Variants in CHST11 observed in about 807,000 individuals in gnomAD.
The protein encoded by CHST11 is carbohydrate sulfotransferase 11.
A neutral mutation model predicts 30.4 loss-of-function variants in CHST11; 9 were observed. That is an observed-to-expected ratio of 0.30 (90% CI 0.18 to 0.52). The LOEUF (loss-of-function observed/expected upper bound fraction) is 0.52. CHST11 is among the 20% of genes least tolerant of loss of function. CHST11 has a pLI of 0.97. For synonymous variants in CHST11, 152 were observed against 187.8 expected (o/e 0.81, Z 1.56); for missense variants, 348 against 460.6 (o/e 0.76, Z 2.24).
rs145908526 is a variant in CHST11, at chr12:104,645,354, A to C, written c.204+43363A>C. Among the ~76,000 whole-genome samples, 271 of 152,286 alleles carry C rather than the reference A, an allele frequency of 1.8e-3. 4 individuals are homozygous for C. The highest frequency in any genetic ancestry group is 6.8e-3 in the Middle Eastern group (2 of 294). On this transcript the variant is annotated intron_variant, in intron 2 of 2. Coordinates refer to ENST00000303694, the MANE Select transcript of CHST11 (RefSeq NM_018413.6). ...GGTGGAATCTGTGATTCTCATCCCC[A>C]CCATACAGGTGAGGAAACTGAGGCT... is the stretch of plus-strand genomic sequence containing the variant.
At chr12:104,647,365 A>T (rs2039444056) in intron 2 of CHST11, among the ~76,000 whole-genome samples, 1 of 152,236 alleles carries the variant, frequency 6.6e-6, no homozygotes, top group African/African-American at 2.4e-5. Flanking sequence ...CATTTAAAAA[A>T]TGCCAGGAAA....
At chr12:104,663,807 T>G (rs551635933) in intron 2 of CHST11, among the ~76,000 whole-genome samples, 1 of 152,360 alleles carries the variant, frequency 6.6e-6, no homozygotes, top group Admixed American at 6.5e-5. Context: ...TAAGGTACTT[T>G]ATTAACAAGT....
chr12:104,493,740 A>G (rs2037772926), intron 1 of CHST11, among the ~76,000 whole-genome samples: 1 of 152,208 alleles, frequency 6.6e-6, no homozygotes, highest in African/African-American at 2.4e-5. Context: ...AGACACATTT[A>G]CAGTTTGTGG....
intron 1 of CHST11, among the ~76,000 whole-genome samples, chr12:104,532,565 T>A (rs971595855): frequency 6.6e-6 from 1 of 152,112 alleles, no homozygotes; most frequent in Admixed American, 6.6e-5. Flanking sequence ...ACCACCTGTG[T>A]GTTCACCAGC....
intron 1 of CHST11, among the ~76,000 whole-genome samples, chr12:104,463,362 G>A (rs2178669): frequency 0.22 from 32,813 of 151,932 alleles, 3,937 homozygotes; most frequent in East Asian, 0.54. Context: ...TTCTTCCTAT[G>A]AACAATCTGA....
intron 2 of CHST11, among the ~76,000 whole-genome samples, chr12:104,723,439 C>A (rs956931152): frequency 6.6e-6 from 1 of 152,260 alleles, no homozygotes; most frequent in South Asian, 2.1e-4. Flanking sequence ...CTTGTTCAAT[C>A]TGTGGCCTGC....
intron 2 of CHST11, among the ~76,000 whole-genome samples, chr12:104,622,319 C>A (rs1367884948): frequency 6.6e-6 from 1 of 152,158 alleles, no homozygotes; most frequent in Non-Finnish European, 1.5e-5. Context: ...GAGGTACTAC[C>A]ACTGTTTAGT....
intron 1 of CHST11, among the ~76,000 whole-genome samples, chr12:104,542,317 G>A (rs1315392117): frequency 1.3e-5 from 2 of 152,158 alleles, no homozygotes; most frequent in Non-Finnish European, 2.9e-5. Flanking sequence ...TGTTCATAGC[G>A]GCATTATTCA....
intron 2 of CHST11, among the ~76,000 whole-genome samples, chr12:104,680,210 A>C (rs1186468398): frequency 6.6e-6 from 1 of 152,252 alleles, no homozygotes; most frequent in Non-Finnish European, 1.5e-5. Context: ...ATAAGAAGAT[A>C]CAAGGTAGTA....
intron 1 of CHST11, among the ~76,000 whole-genome samples, chr12:104,492,892 G>T (rs562286753): frequency 6.6e-6 from 1 of 152,234 alleles, no homozygotes; most frequent in East Asian, 1.9e-4. Context: ...AATTAGCCGG[G>T]TATGGTGGTG....
intron 2 of CHST11, among the ~76,000 whole-genome samples, chr12:104,718,116 C>A (rs1023527985): frequency 9.2e-5 from 14 of 152,192 alleles, no homozygotes; most frequent in East Asian, 5.8e-4. Context: ...ACTTACTATG[C>A]GAAAGGTACT....
rs367714291 is a variant in CHST11 at position 104,481,608 on chromosome 12, G to A, written c.118+24079G>A. Among the ~76,000 whole-genome samples the A allele has an allele frequency of 2.4e-4, 36 of 152,216 alleles. No homozygotes were observed. In the East Asian group the frequency reaches 6.0e-3, roughly 25 times the overall value. On this transcript the variant is annotated intron_variant, in intron 1 of 2. Transcript: ENST00000303694. ...CTCTCACGCGTCGATGGGGGGCAAC[G>A]ATATCAGATATGGCAAAGATTGGCT...
At chr12:104,653,663 T>C (rs1018737746) in intron 2 of CHST11, among the ~76,000 whole-genome samples, 1 of 152,224 alleles carries the variant, frequency 6.6e-6, no homozygotes, top group Non-Finnish European at 1.5e-5. Flanking sequence ...AGTGGTCTGA[T>C]GTCTGTATTT....
intron 2 of CHST11, among the ~76,000 whole-genome samples, chr12:104,638,560 T>C (rs2039347209): frequency 6.6e-6 from 1 of 152,026 alleles, no homozygotes; most frequent in Non-Finnish European, 1.5e-5. Flanking sequence ...GTGGGGGTGA[T>C]TTGGGTAGTG....
intron 1 of CHST11, among the ~76,000 whole-genome samples, chr12:104,498,467 G>A (rs907424766): frequency 6.6e-6 from 1 of 152,146 alleles, no homozygotes; most frequent in African/African-American, 2.4e-5. Flanking sequence ...ATTTTAAACT[G>A]TCAGTGGGGC....
intron 1 of CHST11, among the ~76,000 whole-genome samples, chr12:104,560,889 G>A (rs919026121): frequency 3.3e-5 from 5 of 152,294 alleles, no homozygotes; most frequent in South Asian, 4.1e-4. Flanking sequence ...GCTGTGAATC[G>A]AATTCTGCTG....
chr12:104,536,693 C>T (rs948044214), intron 1 of CHST11, among the ~76,000 whole-genome samples: 1 of 152,164 alleles, frequency 6.6e-6, no homozygotes, highest in Non-Finnish European at 1.5e-5. Context: ...CCTCACAGGG[C>T]TTTTAAGAGA....
chr12:104,659,351 A>G (rs1168279802), intron 2 of CHST11, among the ~76,000 whole-genome samples: 1 of 152,170 alleles, frequency 6.6e-6, no homozygotes, highest in Non-Finnish European at 1.5e-5. Context: ...TGCTCAAGAC[A>G]TATGATCGTT....
At chr12:104,518,570 C>T (rs377126579) in intron 1 of CHST11, among the ~76,000 whole-genome samples, 7 of 152,194 alleles carry the variant, frequency 4.6e-5, no homozygotes, top group African/African-American at 1.7e-4. Context: ...GTTAATACAC[C>T]CCGGACTTTC....
Sources: gnomAD v4.1 joint callset for allele counts (sites outside exome capture counted in the v4.1 genomes callset) on GRCh38, gnomAD v4.1.1 for gene constraint, MANE v1.5 for transcripts, NCBI Gene and HGNC (gene_info 2026-07-23, HGNC 2026-07-21) for gene names.